The following CD200R1L variants were observed in gnomAD, a reference collection of about 807,000 sequenced individuals.
The protein encoded by CD200R1L is cell surface glycoprotein CD200 receptor 2.
Under a neutral mutation model 24.8 loss-of-function variants are expected in CD200R1L, and 14 were observed. That is an observed-to-expected ratio of 0.56 (90% CI 0.37 to 0.88). The LOEUF is 0.88. Among genes scored for constraint, CD200R1L ranks in the 40% least tolerant of loss-of-function variants. The pLI, the probability that CD200R1L is intolerant of heterozygous loss-of-function variation, is 0.00. For synonymous variants in CD200R1L, 111 were observed against 109.2 expected (o/e 1.02, Z -0.11); for missense variants, 299 against 297.8 (o/e 1.00, Z -0.03).
chr3:112,816,087 T>C, intron 7 of CD200R1L, 112 bp from the exon 8 acceptor site: 2 of 664,490 alleles, frequency 3.0e-6, no homozygotes, highest in Non-Finnish European at 2.8e-6. Flanking sequence ...TACATTCCAA[T>C]AATAAATTAA....
intron 3 of CD200R1L, among the ~76,000 whole-genome samples, chr3:112,835,279 C>G (rs1305311334): frequency 2.0e-5 from 3 of 152,126 alleles, no homozygotes; most frequent in Admixed American, 2.0e-4. Context: ...TGTTTGGTTC[C>G]TAGTAGAGAA....
At chr3:112,844,296 C>A (rs914511014) in intron 2 of CD200R1L, among the ~76,000 whole-genome samples, 3 of 152,134 alleles carry the variant, frequency 2.0e-5, no homozygotes, top group Admixed American at 6.5e-5. Flanking sequence ...CATGCTCAAC[C>A]ACAAAACAAG....
At chr3:112,832,672 G>A (rs973068508) in intron 3 of CD200R1L, among the ~76,000 whole-genome samples, 13 of 152,088 alleles carry the variant, frequency 8.5e-5, no homozygotes, top group Non-Finnish European at 1.8e-4. Flanking sequence ...CAGCCCCAAC[G>A]GCAGCTACTC....
chr3:112,845,718 C>T lies in CD200R1L; in HGVS notation c.-126G>A, dbSNP rs374400568. On this transcript the variant is annotated 5_prime_UTR_variant, in exon 2 of 8. Transcript: ENST00000488794. Reference sequence around the variant, plus strand: ...ATGATGGAAATCAGTAATCTTGGAGCTGACATCTTCCCTAAAGTATGCTTT... The same window carrying T: ...ATGATGGAAATCAGTAATCTTGGAGTTGACATCTTCCCTAAAGTATGCTTT... 11 of 1,612,924 alleles carry T rather than the reference C, an allele frequency of 6.8e-6. No homozygotes were observed. The highest frequency in any genetic ancestry group is 9.3e-6 in the Non-Finnish European group (11 of 1,179,318).
intron 2 of CD200R1L, among the ~76,000 whole-genome samples, chr3:112,840,620 T>C (rs1939055078): frequency 6.6e-6 from 1 of 152,192 alleles, no homozygotes; most frequent in Admixed American, 6.5e-5. Flanking sequence ...CACTATTCAT[T>C]TGTTTAGTGA....
intron 2 of CD200R1L, among the ~76,000 whole-genome samples, chr3:112,845,471 C>T (rs1441342794): frequency 6.6e-6 from 1 of 152,278 alleles, no homozygotes; most frequent in Non-Finnish European, 1.5e-5. Context: ...TCCCAGCCCC[C>T]AATTACTCTG....
chr3:112,827,547 C>G lies in CD200R1L; in HGVS notation c.187G>C (p.Glu63Gln), dbSNP rs1309257640. ...TTGGTTTCCTTGGTCTCATTTGTTTCTTTCTTGTAGGCTTTTGTGCAGGAA... is the reference window on the plus strand; with the variant it reads ...TTGGTTTCCTTGGTCTCATTTGTTTGTTTCTTGTAGGCTTTTGTGCAGGAA... Reference protein sequence around the residue: ...QPSCTKAYKKETNETKETNCT... With the variant: ...QPSCTKAYKKQTNETKETNCT... Residue 63 changes from glutamate (E) to glutamine (Q), a missense_variant, in exon 5 of 8, where the codon GAA (glutamate) becomes CAA (glutamine). Coordinates refer to ENST00000488794, the MANE Select transcript of CD200R1L (RefSeq NM_001199215.3). The G allele has an allele frequency of 2.5e-6, 4 of 1,614,002 alleles. No individual in the cohort carries two copies. The highest frequency in any genetic ancestry group is 2.2e-5 in the East Asian group (1 of 44,898).
intron 6 of CD200R1L, among the ~76,000 whole-genome samples, chr3:112,820,127 AC>A (rs1194423585): frequency 1.3e-5 from 2 of 152,230 alleles, no homozygotes; most frequent in Non-Finnish European, 2.9e-5. Context: ...AATTTTCTGA[AC>A]AAATAAATGC....
chr3:112,833,793 T>C (rs1938867742), intron 3 of CD200R1L, among the ~76,000 whole-genome samples: 1 of 152,174 alleles, frequency 6.6e-6, no homozygotes, highest in African/African-American at 2.4e-5. Flanking sequence ...GGATGGGTTA[T>C]GGATGGGTTG....
intron 3 of CD200R1L, among the ~76,000 whole-genome samples, chr3:112,829,785 C>T (rs1298237581): frequency 6.6e-6 from 1 of 152,122 alleles, no homozygotes; most frequent in East Asian, 1.9e-4. Context: ...TTTCTCTGCA[C>T]ATTTTTTTTC....
chr3:112,817,021 TC>T (rs1938411837), intron 7 of CD200R1L, among the ~76,000 whole-genome samples: 1 of 152,092 alleles, frequency 6.6e-6, no homozygotes, highest in South Asian at 2.1e-4. Flanking sequence ...AATTACCCAG[TC>T]TTGGATATGA....
chr3:112,816,073 T>G, intron 7 of CD200R1L, 98 bp from the exon 8 acceptor site: 1 of 711,884 alleles, frequency 1.4e-6, no homozygotes, highest in Non-Finnish European at 2.6e-6. Context: ...GCCTTTTAGC[T>G]AAGTACATTC....
intron 7 of CD200R1L, 54 bp from the exon 8 acceptor site, chr3:112,816,029 A>G: frequency 1.3e-6 from 1 of 775,240 alleles, no homozygotes; most frequent in Non-Finnish European, 2.4e-6. Flanking sequence ...GAGCTTATGC[A>G]AGTGGGCATA....
intron 7 of CD200R1L, 124 bp from the exon 8 acceptor site, chr3:112,816,099 T>C: frequency 3.1e-6 from 2 of 647,388 alleles, no homozygotes; most frequent in South Asian, 3.7e-5. Flanking sequence ...ATAAATTAAA[T>C]TGGAGTTATG....
At chr3:112,836,271 C>T (rs1227963558) in intron 3 of CD200R1L, among the ~76,000 whole-genome samples, 1 of 152,218 alleles carries the variant, frequency 6.6e-6, no homozygotes, top group African/African-American at 2.4e-5. Context: ...ACCACCTGCA[C>T]CTCCCTTCTG....
intron 6 of CD200R1L, among the ~76,000 whole-genome samples, chr3:112,825,231 T>A (rs1282394762): frequency 6.8e-6 from 1 of 147,336 alleles, no homozygotes; most frequent in African/African-American, 2.5e-5. Flanking sequence ...AGAGCGAGAC[T>A]CTGTCTCAAA....
At chr3:112,844,079 G>T (rs1044174879) in intron 2 of CD200R1L, among the ~76,000 whole-genome samples, 1 of 152,204 alleles carries the variant, frequency 6.6e-6, no homozygotes, top group Non-Finnish European at 1.5e-5. Flanking sequence ...CCTGTGGAAA[G>T]ACTTAGCCAC....
chr3:112,820,855 C>G (rs962562970), intron 6 of CD200R1L, among the ~76,000 whole-genome samples: 1 of 151,368 alleles, frequency 6.6e-6, no homozygotes, highest in South Asian at 2.1e-4. Context: ...GTCAGGAATT[C>G]GAGACCAGCC....
At chr3:112,818,857 A>T (rs1408866376) in intron 7 of CD200R1L, 1 of 154,422 alleles carries the variant, frequency 6.5e-6, no homozygotes, top group Non-Finnish European at 1.5e-5. Context: ...GTGTACTTAC[A>T]CTGTATGCTA....
Sources: gnomAD v4.1 joint callset for allele counts (sites outside exome capture counted in the v4.1 genomes callset) on GRCh38, gnomAD v4.1.1 for gene constraint, MANE v1.5 for transcripts, NCBI Gene and HGNC (gene_info 2026-07-23, HGNC 2026-07-21) for gene names.